The following CDK5RAP2 variants were observed in gnomAD, a reference collection of about 807,000 sequenced individuals.
The protein encoded by CDK5RAP2 is CDK5 regulatory subunit-associated protein 2.
A neutral mutation model predicts 232.9 loss-of-function variants in CDK5RAP2; 147 were observed. That is an observed-to-expected ratio of 0.63 (90% CI 0.55 to 0.72). The LOEUF is 0.72. CDK5RAP2 is among the 30% of genes least tolerant of loss of function. CDK5RAP2 has a pLI of 0.00. For missense variants in CDK5RAP2, 2,195 were observed against 2,231.5 expected (o/e 0.98, Z 0.33); for synonymous variants, 833 against 833.7 (o/e 1.00, Z 0.01).
At chr9:120,553,567 G>A (rs1441774139) in intron 3 of CDK5RAP2, among the ~76,000 whole-genome samples, 3 of 152,254 alleles carry the variant, frequency 2.0e-5, no homozygotes, top group Non-Finnish European at 4.4e-5. Flanking sequence ...CCAGGATGAT[G>A]GTTACCTTTG....
intron 8 of CDK5RAP2, 143 bp from the exon 9 acceptor site, chr9:120,528,940 T>C: frequency 1.5e-6 from 1 of 685,764 alleles, no homozygotes; most frequent in Admixed American, 2.1e-5. Context: ...CCCCTCCCTC[T>C]CTCCACCCCA....
chr9:120,433,370 C>T (rs187957687), intron 25 of CDK5RAP2, among the ~76,000 whole-genome samples: 1 of 152,316 alleles, frequency 6.6e-6, no homozygotes, highest in East Asian at 1.9e-4. Flanking sequence ...GCACTCAGTA[C>T]GTAAGAACCA....
At chr9:120,527,998 G>C (rs2040982324) in intron 9 of CDK5RAP2, 73 bp from the exon 10 acceptor site, 1 of 1,559,184 alleles carries the variant, frequency 6.4e-7, no homozygotes, top group Admixed American at 1.7e-5. Context: ...ATATCTTTAA[G>C]AGCACACTCA....
At chr9:120,391,295 C>G (rs752686817) in intron 36 of CDK5RAP2, among the ~76,000 whole-genome samples, 2 of 152,166 alleles carry the variant, frequency 1.3e-5, no homozygotes, top group African/African-American at 2.4e-5. Flanking sequence ...GACCCCTACA[C>G]CTCAACAGCA....
chr9:120,397,685 A>G (rs760267326), intron 35 of CDK5RAP2, among the ~76,000 whole-genome samples: 36 of 152,012 alleles, frequency 2.4e-4, no homozygotes, highest in Middle Eastern at 3.4e-3. Flanking sequence ...TTGCTTCATA[A>G]TTTTCTTTTC....
At chr9:120,546,177 G>C (rs1361310487) in intron 4 of CDK5RAP2, among the ~76,000 whole-genome samples, 2 of 152,146 alleles carry the variant, frequency 1.3e-5, no homozygotes, top group African/African-American at 4.8e-5. Context: ...ACTGGTGGTT[G>C]TTTACAATCA....
chr9:120,552,277 C>T (rs1289641604), intron 3 of CDK5RAP2, among the ~76,000 whole-genome samples: 1 of 151,920 alleles, frequency 6.6e-6, no homozygotes, highest in Admixed American at 6.6e-5. Context: ...TTGTGGAAGT[C>T]AGTGTGGCGA....
At chr9:120,402,492 T>C (rs1478167985) in intron 34 of CDK5RAP2, among the ~76,000 whole-genome samples, 3 of 152,138 alleles carry the variant, frequency 2.0e-5, no homozygotes, top group African/African-American at 4.8e-5. Flanking sequence ...GATGGGCAGA[T>C]GAATGGACAG....
intron 15 of CDK5RAP2, among the ~76,000 whole-genome samples, chr9:120,474,481 T>G (rs114328997): frequency 3.2e-4 from 48 of 152,176 alleles, no homozygotes; most frequent in African/African-American, 1.1e-3. Flanking sequence ...CATGCCCTCA[T>G]GACAAAAAAA....
Position 120,499,388 on chromosome 9 carries a change from G to GT in CDK5RAP2, c.1312-7912dup, listed in dbSNP as rs1367938041. Reference sequence around the variant, plus strand: ...TTTGAATTTTCCATAATGAGCAGGGGTTTTTTTTTTAAAGGTACTTATTAG... The same window carrying GT: ...TTTGAATTTTCCATAATGAGCAGGGGTTTTTTTTTTTAAAGGTACTTATTAG... On this transcript the variant is annotated intron_variant, in intron 12 of 37. Transcript: ENST00000349780. Among the ~76,000 whole-genome samples the GT allele has an allele frequency of 2.5e-3, 371 of 148,220 alleles. 2 individuals carry two copies. Among genetic ancestry groups the GT allele is most frequent in the African/African-American group, 7.3e-3 (295 of 40,462 alleles).
In CDK5RAP2 at chr9:120,458,405, C is replaced by T; in HGVS notation, c.2375+45G>A. The T allele has an allele frequency of 2.5e-6, 4 of 1,591,072 alleles. No homozygotes were observed. In the South Asian group the frequency reaches 4.4e-5, roughly 18 times the overall value. ...CATTTAGCAAAATGAGTTTGTTCTCCCCTAGAACTAGAGAAACAAAGGAAT... is the reference window on the plus strand; with the variant it reads ...CATTTAGCAAAATGAGTTTGTTCTCTCCTAGAACTAGAGAAACAAAGGAAT... On this transcript the variant is annotated intron_variant, in intron 20 of 37. Transcript: ENST00000349780.
chr9:120,574,777 C>T (rs908513875), intron 1 of CDK5RAP2, among the ~76,000 whole-genome samples: 1 of 151,622 alleles, frequency 6.6e-6, no homozygotes, highest in Non-Finnish European at 1.5e-5. Context: ...AGGTTTAATC[C>T]TCACTATAGT....
intron 12 of CDK5RAP2, among the ~76,000 whole-genome samples, chr9:120,494,029 T>G (rs963870811): frequency 9.3e-5 from 14 of 150,592 alleles, no homozygotes; most frequent in African/African-American, 3.4e-4. Context: ...GAGGCAGAGG[T>G]TGCAGTGAGC....
intron 19 of CDK5RAP2, among the ~76,000 whole-genome samples, 166 bp from the exon 20 acceptor site, chr9:120,458,788 G>C (rs1251911246): frequency 6.6e-6 from 1 of 152,018 alleles, no homozygotes; most frequent in African/African-American, 2.4e-5. Flanking sequence ...GGAAGAGAGA[G>C]AGACACAGGC....
At position 120,470,206 on chromosome 9, in the gene CDK5RAP2, G is replaced by T; in HGVS notation, c.1873C>A (p.Leu625Ile). 1 of 1,543,182 alleles carries T rather than the reference G, an allele frequency of 6.5e-7. No homozygotes were observed. Among genetic ancestry groups the T allele is most frequent in the Non-Finnish European group, 8.9e-7 (1 of 1,126,280 alleles). Residue 625 changes from leucine to isoleucine, a missense_variant, in exon 17 of 38, where the codon CTT (leucine) becomes ATT (isoleucine). Transcript: ENST00000349780. ...AGATAAGATGTTTGATCACTATAAA[G>T]TGAAAATGATTCTTCTGCCCAAAAA... ...IRRREEESFS[L>I]YSDQTSYLSI...
intron 4 of CDK5RAP2, among the ~76,000 whole-genome samples, chr9:120,550,486 C>A (rs1009683266): frequency 6.6e-6 from 1 of 152,204 alleles, no homozygotes; most frequent in East Asian, 1.9e-4. Context: ...AACTCCAAAA[C>A]CATTCCACCA....
At chr9:120,412,690 T>C (rs1030999715) in intron 28 of CDK5RAP2, among the ~76,000 whole-genome samples, 3 of 152,204 alleles carry the variant, frequency 2.0e-5, no homozygotes, top group Non-Finnish European at 4.4e-5. Flanking sequence ...TACCATCAGT[T>C]GCTACTCCCA....
chr9:120,393,257 C>T (rs566962729), intron 36 of CDK5RAP2, among the ~76,000 whole-genome samples: 8 of 152,262 alleles, frequency 5.3e-5, no homozygotes, highest in African/African-American at 1.7e-4. Context: ...ATTAAGCCCA[C>T]GACCCTCACT....
chr9:120,402,976 C>G lies in CDK5RAP2; in HGVS notation c.5137G>C (p.Val1713Leu), dbSNP rs751786840. Residue 1713 changes from valine (V) to leucine (L), a missense_variant, in exon 34 of 38, where the codon GTC (valine) becomes CTC (leucine). Val to Leu is a conservative substitution (Grantham distance 32). Transcript: ENST00000349780. The part of the protein sequence containing the change: ...ATSTPCVSRL[V>L]TGHHLWASKN... ...CTGGCCCACAGGTGGTGGCCAGTGA[C>G]CAGGCGGGACACACACGGAGTGCTA... 1 of 1,614,030 alleles carries G rather than the reference C, an allele frequency of 6.2e-7. No homozygotes were observed. Among genetic ancestry groups the G allele is most frequent in the Non-Finnish European group, 8.5e-7 (1 of 1,180,028 alleles).
Sources: allele counts gnomAD v4.1 joint callset (sites outside exome capture counted in the v4.1 genomes callset), GRCh38; gene constraint gnomAD v4.1.1; transcripts MANE v1.5; gene names NCBI Gene and HGNC (gene_info 2026-07-23, HGNC 2026-07-21).